TSTD2: variants seen among roughly 807,000 people sequenced by gnomAD.
The protein encoded by TSTD2 is thiosulfate sulfurtransferase/rhodanese-like domain-containing protein 2.
TSTD2 carries 37 observed loss-of-function variants against 47.9 expected under a neutral mutation model. The ratio of observed to expected loss-of-function variants is 0.77; its 90% CI spans 0.59 to 1.02. TSTD2 has a LOEUF of 1.02. Among genes scored for constraint, TSTD2 ranks in the 50% least tolerant of loss-of-function variants. The probability of loss-of-function intolerance (pLI) is 0.00; values close to 1 mark genes in which losing one functional copy is unlikely to be tolerated. For synonymous variants in TSTD2, 201 were observed against 215.9 expected (o/e 0.93, Z 0.61); for missense variants, 586 against 616.0 (o/e 0.95, Z 0.52).
intron 6 of TSTD2, among the ~76,000 whole-genome samples, chr9:97,607,122 C>T (rs980309403): frequency 6.6e-6 from 1 of 152,138 alleles, no homozygotes; most frequent in Admixed American, 6.5e-5. Context: ...GCTATGATCA[C>T]ACCACTGTAC....
intron 3 of TSTD2, among the ~76,000 whole-genome samples, chr9:97,625,200 G>C (rs1826700348): frequency 6.6e-6 from 1 of 152,066 alleles, no homozygotes; most frequent in Non-Finnish European, 1.5e-5. Flanking sequence ...TGTATTGTCT[G>C]GCTATTTTCA....
chr9:97,615,224 G>A (rs1478854664), intron 4 of TSTD2, among the ~76,000 whole-genome samples: 4 of 152,230 alleles, frequency 2.6e-5, no homozygotes, highest in Non-Finnish European at 5.9e-5. Context: ...TCCTTAGTGA[G>A]GAAGGCCTTG....
intron 4 of TSTD2, among the ~76,000 whole-genome samples, chr9:97,613,629 A>C (rs1042339188): frequency 2.6e-5 from 4 of 152,144 alleles, no homozygotes; most frequent in Non-Finnish European, 5.9e-5. Flanking sequence ...AGCTCTCTAA[A>C]GAAAAGTGCT....
At chr9:97,609,088 T>C (rs558020462) in intron 6 of TSTD2, among the ~76,000 whole-genome samples, 2 of 152,142 alleles carry the variant, frequency 1.3e-5, no homozygotes, top group South Asian at 2.1e-4. Context: ...TGTGCTATAA[T>C]AGGGGTGACA....
intron 2 of TSTD2, among the ~76,000 whole-genome samples, chr9:97,626,226 AG>A (rs5899315): frequency 0.12 from 17,933 of 152,188 alleles, 2,990 homozygotes; most frequent in African/African-American, 0.37. Context: ...AATAACTCTC[AG>A]CATCATAATT....
chr9:97,608,546 G>C (rs1243244557), intron 6 of TSTD2, among the ~76,000 whole-genome samples: 1 of 152,158 alleles, frequency 6.6e-6, no homozygotes, highest in Non-Finnish European at 1.5e-5. Context: ...TGAGGCAGGA[G>C]AATCGCTTGA....
At chr9:97,617,294 G>C (rs1826559717) in intron 4 of TSTD2, among the ~76,000 whole-genome samples, 1 of 152,180 alleles carries the variant, frequency 6.6e-6, no homozygotes, top group Non-Finnish European at 1.5e-5. Flanking sequence ...ACCCTGGCAG[G>C]TTCCAGAAAA....
Position 97,602,640 on chromosome 9 carries a change from T to C in TSTD2, c.1380A>G (p.Gln460=), listed in dbSNP as rs17853442. Residue 460 remains glutamine (Q), a synonymous_variant, in exon 10 of 10, where the codon CAA becomes CAG. Transcript: ENST00000341170. ...CTGAAACTTTCCTGCTCCCCTTGTCTTGACATGTGACACAACAGGCTGTGA... is the reference window on the plus strand; with the variant it reads ...CTGAAACTTTCCTGCTCCCCTTGTCCTGACATGTGACACAACAGGCTGTGA... ...QGFTACCVTC[Q]DKGSRKVSGP... 1.4e-3 allele frequency: 2,262 copies of C among 1,614,198 alleles called. 23 individuals are homozygous for C. The African/African-American group carries it at 0.025, about 18-fold the overall frequency.
At position 97,606,175 on chromosome 9, in the gene TSTD2, G is replaced by A. The variant is rs1384317189; in HGVS notation, c.922C>T (p.Leu308Phe). The A allele has an allele frequency of 6.2e-7, 1 of 1,610,958 alleles. No homozygotes were observed. Among genetic ancestry groups the A allele is most frequent in the Non-Finnish European group, 8.5e-7 (1 of 1,179,054 alleles). ...ANQEQSDTIL[L>F]DCRNFYESKI... ...CTTTCATAGAAGTTTCTGCAATCAA[G>A]AAGGATAGTATCACTTTGTTCTTGA... Residue 308 changes from leucine (L) to phenylalanine (F), a missense_variant, in exon 7 of 10, where the codon CTT becomes TTT. Leu to Phe is a conservative substitution (Grantham distance 22). Transcript: ENST00000341170.
intron 8 of TSTD2, among the ~76,000 whole-genome samples, chr9:97,605,100 C>A (rs939532540): frequency 6.6e-6 from 1 of 152,118 alleles, no homozygotes; most frequent in African/African-American, 2.4e-5. Flanking sequence ...GCAGGCAGGG[C>A]CTTCACCCTC....
chr9:97,600,574 G>A lies in TSTD2; in HGVS notation c.*1895C>T, dbSNP rs892067097. 8.1e-6 allele frequency: 8 copies of A among 986,278 alleles called. No homozygotes were observed. The African/African-American group carries it at 1.2e-4, about 15-fold the overall frequency. 61.1% of individuals were successfully genotyped at this position (986,278 alleles called of 1,614,324 possible). ...CTTATGTGAGGTAAGACACTAGAGG[G>A]ATAAATTTCCAGATCAACATGGCTA... On this transcript the variant is annotated 3_prime_UTR_variant, in exon 10 of 10. Transcript: ENST00000341170.
At chr9:97,606,098 G>C (rs372360844) in intron 7 of TSTD2, 45 bp downstream of exon 7, 2 of 1,335,082 alleles carry the variant, frequency 1.5e-6, no homozygotes, top group African/African-American at 1.4e-5. Context: ...TGTGGGAATG[G>C]GGAGATCTAC....
At chr9:97,625,493 CAA>C (rs1322192439) in intron 3 of TSTD2, among the ~76,000 whole-genome samples, 186 bp downstream of exon 3, 1 of 152,180 alleles carries the variant, frequency 6.6e-6, no homozygotes, top group East Asian at 1.9e-4. Context: ...AACACTTTTC[CAA>C]AGTGGTTGTG....
At chr9:97,626,721 T>C (rs1334223623) in intron 2 of TSTD2, among the ~76,000 whole-genome samples, 1 of 152,166 alleles carries the variant, frequency 6.6e-6, no homozygotes, top group Non-Finnish European at 1.5e-5. Context: ...ACTTAGAATA[T>C]CTAAAATAAA....
At chr9:97,615,728 G>C (rs56014562) in intron 4 of TSTD2, among the ~76,000 whole-genome samples, 1 of 152,134 alleles carries the variant, frequency 6.6e-6, no homozygotes. Context: ...CTTGGGTTGG[G>C]CCAAGAAAAA....
chr9:97,628,671 TA>T (rs1826760273), intron 1 of TSTD2, among the ~76,000 whole-genome samples: 1 of 152,224 alleles, frequency 6.6e-6, no homozygotes, highest in Non-Finnish European at 1.5e-5. Context: ...TCCCTAAGCC[TA>T]GGCAGGCTTG....
chr9:97,627,746 A>G (rs1380149976), intron 1 of TSTD2, 134 bp from the exon 2 acceptor site: 3 of 536,090 alleles, frequency 5.6e-6, no homozygotes, highest in South Asian at 2.9e-5. Flanking sequence ...CTAAATCAAT[A>G]GTATTTACTT....
At chr9:97,606,756 C>T (rs1185054517) in intron 6 of TSTD2, among the ~76,000 whole-genome samples, 1 of 152,168 alleles carries the variant, frequency 6.6e-6, no homozygotes, top group East Asian at 1.9e-4. Flanking sequence ...TAAGAACCCA[C>T]AGGCAGGTGT....
intron 3 of TSTD2, among the ~76,000 whole-genome samples, chr9:97,622,121 G>A (rs559570559): frequency 1.6e-4 from 24 of 152,296 alleles, no homozygotes; most frequent in South Asian, 1.2e-3. Flanking sequence ...TGGTTCCCCC[G>A]ATAATGCCTG....
Sources: allele counts gnomAD v4.1 joint callset (sites outside exome capture counted in the v4.1 genomes callset), GRCh38; gene constraint gnomAD v4.1.1; transcripts MANE v1.5; gene names NCBI Gene and HGNC (gene_info 2026-07-23, HGNC 2026-07-21).